Variants in ARPC1A observed in about 807,000 individuals in gnomAD.
The protein encoded by ARPC1A is actin related protein 2/3 complex subunit 1A.
Under a neutral mutation model 46.9 loss-of-function variants are expected in ARPC1A, and 8 were observed. The observed-to-expected ratio is 0.17, with a 90% CI of 0.10 to 0.31. ARPC1A has a LOEUF of 0.31. ARPC1A is among the 10% of genes least tolerant of loss of function. The probability of loss-of-function intolerance (pLI) is 1.00; values close to 1 mark genes in which losing one functional copy is unlikely to be tolerated. For missense variants in ARPC1A, 286 were observed against 483.6 expected, an observed-to-expected ratio of 0.59 and a Z score of 3.83; for synonymous variants, 152 against 169.0, an observed-to-expected ratio of 0.90 and a Z score of 0.78.
At position 99,331,356 on chromosome 7, in the gene ARPC1A, C is replaced by T. The variant is rs138587099; in HGVS notation, c.-29-1969C>T. 2.4e-4 allele frequency among the ~76,000 whole-genome samples: 37 copies of T among 152,154 alleles called. No individual in the cohort carries two copies. The East Asian group carries it at 4.7e-3, about 19-fold the overall frequency. Reference sequence around the variant, plus strand: ...GCTGCAGTGAGCATAGATTGCACCACTGCCCTCCAAACCTGGGTGAGAGAG... The same window carrying T: ...GCTGCAGTGAGCATAGATTGCACCATTGCCCTCCAAACCTGGGTGAGAGAG... On this transcript the variant is annotated intron_variant, in intron 1 of 9. Transcript: ENST00000262942.
intron 8 of ARPC1A, among the ~76,000 whole-genome samples, chr7:99,362,433 G>A (rs1378952005): frequency 4.4e-5 from 6 of 137,304 alleles, no homozygotes; most frequent in East Asian, 2.4e-4. Flanking sequence ...CTGGGTTCAC[G>A]CCCTTCTCCT....
At position 99,349,059 on chromosome 7, in the gene ARPC1A, T is replaced by G. The variant is rs571783466; in HGVS notation, c.500+100T>G. 2.9e-5 allele frequency: 37 copies of G among 1,263,996 alleles called. No homozygotes were observed. The East Asian group carries it at 3.5e-4, about 12-fold the overall frequency. 78.3% of individuals were successfully genotyped at this position (1,263,996 alleles called of 1,614,324 possible). A position where few individuals can be genotyped will look rare whatever the true frequency, so the allele number is the denominator to read the frequency against. Reference sequence around the variant, plus strand: ...TCTTTGTTTTTTGTTTTGTTGTGGTTGTTGTTGTTTTGAGACAGGGTCTCA... The same window carrying G: ...TCTTTGTTTTTTGTTTTGTTGTGGTGGTTGTTGTTTTGAGACAGGGTCTCA... On this transcript the variant is annotated intron_variant, in intron 5 of 9. Transcript: ENST00000262942.
chr7:99,336,798 G>A (rs1793262337), intron 2 of ARPC1A, among the ~76,000 whole-genome samples: 1 of 151,838 alleles, frequency 6.6e-6, no homozygotes, highest in Non-Finnish European at 1.5e-5. Context: ...CTGGCCCATA[G>A]ATCCTAATTT....
Position 99,366,043 on chromosome 7 carries a change from C to T in ARPC1A, c.*114C>T. On this transcript the variant is annotated 3_prime_UTR_variant, in exon 10 of 10. Transcript: ENST00000262942. ...GAAACACTGAAAACACATATCACGCCAATGCCGTGTGGTTTTGTTTGAATA... is the reference window on the plus strand; with the variant it reads ...GAAACACTGAAAACACATATCACGCTAATGCCGTGTGGTTTTGTTTGAATA... The T allele has an allele frequency of 4.0e-6, 5 of 1,244,100 alleles. No individual in the cohort carries two copies. Among genetic ancestry groups the T allele is most frequent in the Non-Finnish European group, 5.6e-6 (5 of 891,082 alleles). The allele number at this position is 1,244,100 out of a possible 1,614,324, so 77.1% of individuals were successfully genotyped here. A position where few individuals can be genotyped will look rare whatever the true frequency, so the allele number is the denominator to read the frequency against.
At chr7:99,345,608 AG>A (rs1284891241) in intron 4 of ARPC1A, among the ~76,000 whole-genome samples, 4 of 152,070 alleles carry the variant, frequency 2.6e-5, no homozygotes, top group African/African-American at 9.7e-5. Flanking sequence ...CAGTGAGCCA[AG>A]ATCGTGCCAC....
chr7:99,360,864 C>T (rs751300918), intron 8 of ARPC1A, among the ~76,000 whole-genome samples: 8 of 143,062 alleles, frequency 5.6e-5, no homozygotes, highest in South Asian at 4.6e-4. Context: ...TTGCTTGAAC[C>T]GGGCAGGTGG....
At chr7:99,347,857 A>G (rs6948775) in intron 4 of ARPC1A, among the ~76,000 whole-genome samples, 18,418 of 151,570 alleles carry the variant, frequency 0.12, 1,550 homozygotes, top group East Asian at 0.35. Context: ...AAAGAAAGTG[A>G]TTCTATAGAA....
chr7:99,356,533 A>C (rs1388771290), intron 6 of ARPC1A, among the ~76,000 whole-genome samples: 1 of 151,304 alleles, frequency 6.6e-6, no homozygotes, highest in Non-Finnish European at 1.5e-5. Context: ...TGAACCCAGC[A>C]GGCAGAGGTT....
Position 99,366,117 on chromosome 7 carries a change from TG to T in ARPC1A, c.*189del, listed in dbSNP as rs555234841. 2.6e-4 allele frequency: 180 copies of T among 687,916 alleles called. No homozygotes were observed. In the South Asian group the frequency reaches 3.4e-3, roughly 13 times the overall value. 42.6% of individuals were successfully genotyped at this position (687,916 alleles called of 1,614,324 possible). On this transcript the variant is annotated 3_prime_UTR_variant, in exon 10 of 10. Coordinates refer to ENST00000262942, the MANE Select transcript of ARPC1A (RefSeq NM_006409.4). ...TTTTTAAGGCAGTAATTTTTTTGTT[TG>T]TTTTTTTGCGATTTCATTCCATTCT...
chr7:99,332,642 C>T (rs551806916), intron 1 of ARPC1A, among the ~76,000 whole-genome samples: 58 of 149,070 alleles, frequency 3.9e-4, no homozygotes, highest in Non-Finnish European at 1.0e-4. Context: ...CTCACTGTGT[C>T]GCCCAGGCTG....
In ARPC1A at chr7:99,344,920, C is replaced by CTTTTTTTTTTTTTTTTTT. The variant is rs1172071932; in HGVS notation, c.392+417_392+434dup. Among the ~76,000 whole-genome samples the CTTTTTTTTTTTTTTTTTT allele has an allele frequency of 9.0e-4, 18 of 20,108 alleles. 6 individuals carry two copies. The highest frequency in any genetic ancestry group is 3.7e-3 in the African/African-American group (17 of 4,574). 13.2% of individuals were successfully genotyped at this position (20,108 alleles called of 152,430 possible). On this transcript the variant is annotated intron_variant, in intron 4 of 9. Coordinates refer to ENST00000262942, the MANE Select transcript of ARPC1A (RefSeq NM_006409.4). Reference sequence around the variant, plus strand: ...TAGGATTCCTACAGATAACAATGTTCTTTTTTTTTTTTTTTTTTTTTTTTT... The same window carrying CTTTTTTTTTTTTTTTTTT: ...TAGGATTCCTACAGATAACAATGTTCTTTTTTTTTTTTTTTTTTTTTTTTTTTTTTTTTTTTTTTTTTT...
At chr7:99,344,617 T>A in intron 4 of ARPC1A, 102 bp downstream of exon 4, 1 of 1,253,782 alleles carries the variant, frequency 8.0e-7, no homozygotes, top group Non-Finnish European at 1.1e-6. Flanking sequence ...TCCGGAGTTG[T>A]GTGGTTTTTT....
Position 99,354,048 on chromosome 7 carries a change from G to A in ARPC1A, c.640G>A (p.Ala214Thr). The A allele has an allele frequency of 1.2e-6, 2 of 1,614,028 alleles. No homozygotes were observed. Among genetic ancestry groups the A allele is most frequent in the Non-Finnish European group, 1.7e-6 (2 of 1,179,930 alleles). The change falls in exon 6 of 10, where the codon GCC becomes ACC. Residue 214 changes from alanine (A) to threonine (T), a missense_variant. By Grantham distance (58) the Ala-to-Thr change is moderately conservative. This residue lies in a region of ARPC1A where 182 missense variants were observed against 276.7 expected (regional missense o/e 0.66). Transcript: ENST00000262942. ...GGWVHGVSFSASGSRLAWVSH... is the reference protein window; with the variant it reads ...GGWVHGVSFSTSGSRLAWVSH... ...CTGGGTCCACGGGGTAAGCTTCTCT[G>A]CCAGTGGGAGCCGCCTGGCCTGGGT...
chr7:99,328,962 CAGAGAG>C (rs563805964), intron 1 of ARPC1A, among the ~76,000 whole-genome samples: 3 of 143,344 alleles, frequency 2.1e-5, no homozygotes, highest in Non-Finnish European at 3.0e-5. Flanking sequence ...GAAAAAAACT[CAGAGAG>C]AGAGAAAAGG....
chr7:99,353,778 T>G, intron 5 of ARPC1A, 131 bp from the exon 6 acceptor site: 1 of 917,172 alleles, frequency 1.1e-6, no homozygotes, highest in Non-Finnish European at 1.6e-6. Context: ...CGTGCCCAGC[T>G]CATGTTTTAT....
At chr7:99,334,258 A>G (rs1793201953) in intron 2 of ARPC1A, among the ~76,000 whole-genome samples, 1 of 152,026 alleles carries the variant, frequency 6.6e-6, no homozygotes, top group Non-Finnish European at 1.5e-5. Context: ...GCTACTCAGG[A>G]GGCTGTGGCA....
Position 99,338,378 on chromosome 7 carries a change from A to ATTTTTTTTTTTT in ARPC1A, c.169+107_169+118dup, listed in dbSNP as rs754747240. 86 of 243,044 alleles carry ATTTTTTTTTTTT rather than the reference A, an allele frequency of 3.5e-4. 6 individuals carry two copies. Among genetic ancestry groups the ATTTTTTTTTTTT allele is most frequent in the African/African-American group, 3.5e-3 (73 of 21,082 alleles). 15.1% of individuals were successfully genotyped at this position (243,044 alleles called of 1,614,324 possible). A position where few individuals can be genotyped will look rare whatever the true frequency, so the allele number is the denominator to read the frequency against. ...AGCCTAATAAACCCAGGTGGCCATA[A>ATTTTTTTTTTTT]TTTTTTTTTTTTTTTTTTTTTTTTT... On this transcript the variant is annotated intron_variant, in intron 3 of 9. Coordinates refer to ENST00000262942, the MANE Select transcript of ARPC1A (RefSeq NM_006409.4).
chr7:99,359,320 C>T (rs1793697139), intron 7 of ARPC1A, among the ~76,000 whole-genome samples: 1 of 151,882 alleles, frequency 6.6e-6, no homozygotes, highest in Admixed American at 6.6e-5. Context: ...CCTGTAATCC[C>T]AGCTACTTGG....
At chr7:99,363,675 C>CTTTT in intron 9 of ARPC1A, 42 bp downstream of exon 9, 4 of 1,101,004 alleles carry the variant, frequency 3.6e-6, no homozygotes, top group South Asian at 1.5e-5. Context: ...TGTGTTAAAA[C>CTTTT]TTTTTTTTTT....
Sources: gnomAD v4.1 joint callset for allele counts (sites outside exome capture counted in the v4.1 genomes callset) on GRCh38, gnomAD v4.1.1 for gene constraint, gnomAD v4.1.1 regional missense constraint, MANE v1.5 for transcripts, NCBI Gene and HGNC (gene_info 2026-07-23, HGNC 2026-07-21) for gene names.